The following GCSAML variants were observed in gnomAD, a reference collection of about 807,000 sequenced individuals.
GCSAML encodes germinal center-associated signaling and motility-like protein.
GCSAML carries 9 observed loss-of-function variants against 13.0 expected under a neutral mutation model. That is an observed-to-expected ratio of 0.69 (90% CI 0.42 to 1.21). GCSAML has a LOEUF of 1.21. GCSAML is among the 50% of genes most tolerant of loss of function. The pLI, the probability that GCSAML is intolerant of heterozygous loss-of-function variation, is 0.00. For missense variants in GCSAML, 143 were observed against 153.4 expected (o/e 0.93, Z 0.36); for synonymous variants, 37 against 52.9 (o/e 0.70, Z 1.31).
At chr1:247,550,256 T>G (rs899253938) in intron 1 of GCSAML, among the ~76,000 whole-genome samples, 3 of 152,140 alleles carry the variant, frequency 2.0e-5, no homozygotes, top group Non-Finnish European at 4.4e-5. Context: ...CACCTGATGG[T>G]TCATACCGTC....
intron 2 of GCSAML, among the ~76,000 whole-genome samples, chr1:247,534,414 A>C (rs1015762267): frequency 2.6e-5 from 4 of 152,170 alleles, no homozygotes; most frequent in Non-Finnish European, 5.9e-5. Flanking sequence ...GACTCAGCAT[A>C]AACTTTCGGT....
chr1:247,553,510 G>A (rs1667849831), intron 1 of GCSAML, among the ~76,000 whole-genome samples: 2 of 151,958 alleles, frequency 1.3e-5, no homozygotes. Context: ...TTTTCATCAA[G>A]GTTGCTGTAT....
chr1:247,514,736 TTTATG>T (rs149534653), intron 1 of GCSAML, among the ~76,000 whole-genome samples: 24,717 of 152,122 alleles, frequency 0.16, 2,641 homozygotes, highest in East Asian at 0.45. Context: ...CCTTTCCCAC[TTTATG>T]TTTTGTTTGC....
intron 2 of GCSAML, among the ~76,000 whole-genome samples, chr1:247,535,480 G>A (rs6667757): frequency 0.25 from 37,333 of 152,114 alleles, 5,335 homozygotes; most frequent in Middle Eastern, 0.38. Context: ...TAGAGTCACC[G>A]CAGGTGAGCT....
intron 4 of GCSAML, among the ~76,000 whole-genome samples, chr1:247,572,685 C>T (rs888379686): frequency 3.4e-4 from 52 of 152,206 alleles, no homozygotes; most frequent in African/African-American, 1.2e-3. Context: ...TGAGGGTCAG[C>T]GACCCACTTG....
At chr1:247,554,346 C>T (rs1468089909) in intron 1 of GCSAML, among the ~76,000 whole-genome samples, 1 of 151,996 alleles carries the variant, frequency 6.6e-6, no homozygotes, top group Admixed American at 6.6e-5. Context: ...TTTCTGTTTT[C>T]ATTATATTTT....
At chr1:247,561,651 A>G (rs1340174902) in intron 2 of GCSAML, among the ~76,000 whole-genome samples, 1 of 152,072 alleles carries the variant, frequency 6.6e-6, no homozygotes, top group African/African-American at 2.4e-5. Flanking sequence ...TATTATTGTT[A>G]ATAACTATTA....
chr1:247,565,483 T>A (rs1668313772), intron 3 of GCSAML, among the ~76,000 whole-genome samples: 1 of 152,234 alleles, frequency 6.6e-6, no homozygotes, highest in Non-Finnish European at 1.5e-5. Flanking sequence ...CTCGTGTTAT[T>A]TCTGTACCTA....
At chr1:247,554,787 G>T (rs55864265) in intron 1 of GCSAML, among the ~76,000 whole-genome samples, 1,764 of 152,050 alleles carry the variant, frequency 0.012, 35 homozygotes, top group African/African-American at 0.04. Context: ...TTGATTTTGG[G>T]GGATGTTTAC....
rs745756237 is a variant in GCSAML, at chr1:247,532,359, A to T, written c.-148+5305A>T. The T allele has an allele frequency of 1.9e-6, 3 of 1,614,032 alleles. No homozygotes were observed. In the South Asian group the frequency reaches 3.3e-5, roughly 18 times the overall value. On this transcript the variant is annotated intron_variant, in intron 2 of 5. Transcript: ENST00000366489. ...TAGGTGTGTGGAGGTGCACATCTGTATGGGAGACCAGAATGATGATGCCAT... is the reference window on the plus strand; with the variant it reads ...TAGGTGTGTGGAGGTGCACATCTGTTTGGGAGACCAGAATGATGATGCCAT...
At chr1:247,530,001 A>G (rs767914699) in intron 2 of GCSAML, 4 of 150,978 alleles carry the variant, frequency 2.6e-5, no homozygotes, top group Non-Finnish European at 4.4e-5. Flanking sequence ...CTTAACTCTC[A>G]ATCTCTCTCA....
chr1:247,513,756 G>C (rs1224329467), intron 1 of GCSAML, among the ~76,000 whole-genome samples: 1 of 152,176 alleles, frequency 6.6e-6, no homozygotes, highest in African/African-American at 2.4e-5. Flanking sequence ...CCCTTGGCTA[G>C]GGGAGGGATT....
intron 3 of GCSAML, among the ~76,000 whole-genome samples, chr1:247,565,180 A>G (rs1024101997): frequency 3.3e-5 from 5 of 152,162 alleles, no homozygotes; most frequent in Admixed American, 3.3e-4. Context: ...TAACACGGTG[A>G]AACCCCGTCT....
intron 1 of GCSAML, among the ~76,000 whole-genome samples, chr1:247,524,458 C>T (rs1349436176): frequency 1.3e-5 from 2 of 152,310 alleles, no homozygotes; most frequent in African/African-American, 4.8e-5. Flanking sequence ...CAGGCTCACC[C>T]TGCATGGCAG....
intron 1 of GCSAML, chr1:247,525,708 T>G (rs1318557464): frequency 6.6e-6 from 1 of 152,256 alleles, no homozygotes; most frequent in East Asian, 1.9e-4. Context: ...CATGACTGAT[T>G]AAATCACTGG....
chr1:247,513,243 A>G (rs1051876721), intron 1 of GCSAML, among the ~76,000 whole-genome samples: 7 of 152,212 alleles, frequency 4.6e-5, no homozygotes, highest in Non-Finnish European at 8.8e-5. Flanking sequence ...GTCTGGCTAC[A>G]GCGGCTTTGC....
rs560700432 is a variant in GCSAML, at chr1:247,575,930, A to G, written c.*1548A>G. 1.2e-4 allele frequency: 18 copies of G among 152,296 alleles called. No individual in the cohort carries two copies. In the South Asian group the frequency reaches 3.5e-3, roughly 30 times the overall value. 9.4% of individuals were successfully genotyped at this position (152,296 alleles called of 1,614,324 possible). A position where few individuals can be genotyped will look rare whatever the true frequency, so the allele number is the denominator to read the frequency against. ...TTGGAGACAAAAGCCTTAATTGACA[A>G]TGCATTCATTATATATTTTTTTGTA... On this transcript the variant is annotated 3_prime_UTR_variant, in exon 5 of 5. Coordinates refer to ENST00000366488, the MANE Select transcript of GCSAML (RefSeq NM_145278.5).
At chr1:247,542,380 T>C (rs1456880437) in intron 2 of GCSAML, among the ~76,000 whole-genome samples, 1 of 152,230 alleles carries the variant, frequency 6.6e-6, no homozygotes, top group Non-Finnish European at 1.5e-5. Context: ...CCTTGTAGAA[T>C]ACTGGTGGTC....
chr1:247,546,947 AAAAAG>A (rs200906527), upstream of GCSAML, among the ~76,000 whole-genome samples: 6,708 of 132,462 alleles, frequency 0.051, 524 homozygotes, highest in African/African-American at 0.2. Flanking sequence ...AAAAAAAAAA[AAAAAG>A]ATTAGCCTAG....
Sources: allele counts gnomAD v4.1 joint callset (sites outside exome capture counted in the v4.1 genomes callset), GRCh38; gene constraint gnomAD v4.1.1; transcripts MANE v1.5; gene names NCBI Gene and HGNC (gene_info 2026-07-23, HGNC 2026-07-21).